The following ZNF888 variants were observed in gnomAD, a reference collection of about 807,000 sequenced individuals.
ZNF888 encodes CTD-2331H12.6.
In ZNF888, 5 loss-of-function variants were observed where a neutral mutation model predicts 7.2. That is an observed-to-expected ratio of 0.70 (90% CI 0.36 to 1.46). The LOEUF is 1.46. Ranked by LOEUF, ZNF888 falls within the 40% of genes most tolerant of loss-of-function variation. The pLI is 0.03. For missense variants in ZNF888, 716 were observed against 858.0 expected (o/e 0.83, Z 2.07); for synonymous variants, 240 against 284.3 (o/e 0.84, Z 1.57).
In ZNF888 at chr19:52,918,900, T is replaced by G. The variant is rs1316102698; in HGVS notation, c.-140A>C. The G allele has an allele frequency of 6.6e-6, 1 of 151,566 alleles. No individual in the cohort carries two copies. Among genetic ancestry groups the G allele is most frequent in the Non-Finnish European group, 1.5e-5 (1 of 68,118 alleles). The allele number at this position is 151,566 out of a possible 1,614,324, so 9.4% of individuals were successfully genotyped here. A position where few individuals can be genotyped will look rare whatever the true frequency, so the allele number is the denominator to read the frequency against. On this transcript the variant is annotated 5_prime_UTR_variant, in exon 2 of 5. An upstream start codon of the reference 5' UTR is lost. Transcript: ENST00000638862. ...CAGAGGTTGCAGTGAGCCAAGATCA[T>G]GACAGTGCACTCACAGCCTGGAGGA...
intron 4 of ZNF888, among the ~76,000 whole-genome samples, chr19:52,910,149 CAA>C (rs71335690): frequency 1.5e-4 from 13 of 83,932 alleles, no homozygotes; most frequent in African/African-American, 4.3e-4. Context: ...GACTTCGTCT[CAA>C]AAAAAAAAAA....
intron 2 of ZNF888, 48 bp from the exon 3 acceptor site, chr19:52,917,979 G>A: frequency 6.3e-7 from 1 of 1,589,116 alleles, no homozygotes; most frequent in Non-Finnish European, 8.5e-7. Context: ...TTATTGCTCA[G>A]AGTCAACATA....
chr19:52,922,401 C>G (rs1052085080), intron 1 of ZNF888, among the ~76,000 whole-genome samples: 2 of 152,100 alleles, frequency 1.3e-5, no homozygotes, highest in Non-Finnish European at 2.9e-5. Flanking sequence ...CAGCACCACT[C>G]TGCTCTGTCT....
intron 1 of ZNF888, among the ~76,000 whole-genome samples, chr19:52,922,455 CCTTT>C: frequency 6.6e-6 from 1 of 152,224 alleles, no homozygotes; most frequent in Admixed American, 6.5e-5. Context: ...TTCTCATGAG[CCTTT>C]CTGTTTGCTG....
rs1433727811 is a variant in ZNF888, at chr19:52,906,729, G to A, written c.1593C>T (p.Phe531=). The A allele has an allele frequency of 2.8e-5, 45 of 1,607,286 alleles. 1 individual carries two copies. The highest frequency in any genetic ancestry group is 5.0e-5 in the Admixed American group (3 of 59,804). The change falls in exon 5 of 5, where the codon TTC becomes TTT. Residue 531 remains phenylalanine, a synonymous_variant. Transcript: ENST00000638862. ...GCATTACAAGAGATGAATTTTGAACGAAGGTCTTGCCACACTCATTACACT... is the reference window on the plus strand; with the variant it reads ...GCATTACAAGAGATGAATTTTGAACAAAGGTCTTGCCACACTCATTACACT... ...PYKCNECGKT[F]VQNSSLVMHK... is the part of the protein sequence containing the mutation.
In ZNF888 at chr19:52,907,378, A is replaced by C; in HGVS notation, c.944T>G (p.Val315Gly). Residue 315 changes from valine to glycine, a missense_variant, in exon 5 of 5, where the codon GTT (valine) becomes GGT (glycine). Around this residue, in one of 2 missense-constraint regions of ZNF888, gnomAD observed 697 missense variants for 803.4 expected, o/e 0.87. Transcript: ENST00000638862. Reference sequence around the variant, plus strand: ...CTCTCCAGTATGAATTGTCTTGTGAACTAAGAGGGCTGACTTGTCACTGAA... The same window carrying C: ...CTCTCCAGTATGAATTGTCTTGTGACCTAAGAGGGCTGACTTGTCACTGAA... ...KTFSDKSALL[V>G]HKTIHTGEKP... The C allele has an allele frequency of 6.2e-7, 1 of 1,613,162 alleles. No individual in the cohort carries two copies. Among genetic ancestry groups the C allele is most frequent in the African/African-American group, 1.3e-5 (1 of 74,976 alleles).
At chr19:52,918,173 G>A in intron 2 of ZNF888, 1 of 985,392 alleles carries the variant, frequency 1.0e-6, no homozygotes, top group African/African-American at 1.7e-5. Flanking sequence ...TCCCCTTCAA[G>A]GCACAGACCC....
intron 1 of ZNF888, among the ~76,000 whole-genome samples, chr19:52,922,355 T>A (rs1662275860): frequency 6.6e-6 from 1 of 151,990 alleles, no homozygotes; most frequent in African/African-American, 2.4e-5. Flanking sequence ...CCAGGTGTCC[T>A]CCCTGCTGTG....
chr19:52,910,678 G>C (rs1048193299), intron 4 of ZNF888, among the ~76,000 whole-genome samples: 5 of 152,048 alleles, frequency 3.3e-5, no homozygotes, highest in Admixed American at 3.3e-4. Flanking sequence ...CAGGAAGATG[G>C]CTGGGCTAAA....
chr19:52,910,486 ATAAC>A (rs1447438008), intron 4 of ZNF888, among the ~76,000 whole-genome samples: 2 of 152,100 alleles, frequency 1.3e-5, no homozygotes, highest in Admixed American at 6.6e-5. Context: ...AATAAGATAA[ATAAC>A]TACTTCTCAA....
At position 52,906,352 on chromosome 19, in the gene ZNF888, G is replaced by T; in HGVS notation, c.1970C>A (p.Thr657Asn). The T allele has an allele frequency of 4.3e-6, 7 of 1,613,692 alleles. No homozygotes were observed. The highest frequency in any genetic ancestry group is 5.9e-6 in the Non-Finnish European group (7 of 1,179,828). ...SYLAQHQRVH[T>N]GEKPYKCKVC... Reference sequence around the variant, plus strand: ...CTTACATTTGTATGGTTTCTCTCCAGTGTGAACTCTCTGATGTTGTGCAAG... The same window carrying T: ...CTTACATTTGTATGGTTTCTCTCCATTGTGAACTCTCTGATGTTGTGCAAG... Residue 657 changes from threonine (T) to asparagine (N), a missense_variant, in exon 5 of 5, where the codon ACT (threonine) becomes AAT (asparagine). Around this residue, in one of 2 missense-constraint regions of ZNF888, gnomAD observed 697 missense variants for 803.4 expected, o/e 0.87. Coordinates refer to ENST00000638862, the MANE Select transcript of ZNF888 (RefSeq NM_001393938.1).
At chr19:52,908,247 A>G in intron 4 of ZNF888, 68 bp from the exon 5 acceptor site, 1 of 1,424,392 alleles carries the variant, frequency 7.0e-7, no homozygotes, top group East Asian at 2.3e-5. Context: ...AAACGTGTAA[A>G]TATGACACCA....
chr19:52,916,906 C>T (rs1025035259), intron 3 of ZNF888, among the ~76,000 whole-genome samples: 4 of 148,696 alleles, frequency 2.7e-5, no homozygotes, highest in Admixed American at 1.3e-4. Flanking sequence ...AGCAAGACTC[C>T]GTTTCAGAAA....
At chr19:52,911,252 A>G (rs952806581) in intron 4 of ZNF888, among the ~76,000 whole-genome samples, 2 of 152,060 alleles carry the variant, frequency 1.3e-5, no homozygotes, top group African/African-American at 4.8e-5. Flanking sequence ...ACCTCAAGCA[A>G]TCTGCCCACC....
intron 1 of ZNF888, among the ~76,000 whole-genome samples, chr19:52,922,396 C>G (rs1247740588): frequency 6.6e-6 from 1 of 152,070 alleles, no homozygotes; most frequent in Non-Finnish European, 1.5e-5. Flanking sequence ...GCCACCAGCA[C>G]CACTCTGCTC....
intron 4 of ZNF888, among the ~76,000 whole-genome samples, chr19:52,912,356 GC>G (rs997869678): frequency 2.1e-5 from 3 of 144,054 alleles, no homozygotes; most frequent in African/African-American, 7.7e-5. Context: ...CTCGTGATCC[GC>G]CCCCCTCGGC....
chr19:52,920,171 G>T (rs192755306), intron 1 of ZNF888, among the ~76,000 whole-genome samples: 2,412 of 59,444 alleles, frequency 0.041, 1,022 homozygotes, highest in Non-Finnish European at 0.067. Context: ...GCCCGGCCAC[G>T]ACCCCGTCTG....
rs1163028368 is a variant in ZNF888 at position 52,905,417 on chromosome 19, G to T, written c.*748C>A. On this transcript the variant is annotated 3_prime_UTR_variant, in exon 5 of 5. Coordinates refer to ENST00000638862, the MANE Select transcript of ZNF888 (RefSeq NM_001393938.1). ...TCTCCCTTCCCTGACTCTCTTTTCG[G>T]ACTCAGCTTGCCTGCACCCAGGTGA... is the stretch of plus-strand genomic sequence containing the variant. 1.3e-5 allele frequency: 2 copies of T among 156,426 alleles called. No homozygotes were observed. The highest frequency in any genetic ancestry group is 6.3e-5 in the Admixed American group (1 of 15,826). The allele number at this position is 156,426 out of a possible 1,614,324, so 9.7% of individuals were successfully genotyped here.
At position 52,908,098 on chromosome 19, in the gene ZNF888, C is replaced by CCAA; in HGVS notation, c.223_224insTTG (p.Arg75delinsIleGly). ...TTCTCCAATGTGATGACTTGCCAGT[C>CCAA]TTTGCAATGTCCCTGTGTGGATCAC... On this transcript the variant is annotated protein_altering_variant, in exon 5 of 5. Transcript: ENST00000638862. 1 of 1,614,150 alleles carries CCAA rather than the reference C, an allele frequency of 6.2e-7. No individual in the cohort carries two copies. The highest frequency in any genetic ancestry group is 8.5e-7 in the Non-Finnish European group (1 of 1,180,032).
Sources: allele counts gnomAD v4.1 joint callset (sites outside exome capture counted in the v4.1 genomes callset), GRCh38; gene constraint gnomAD v4.1.1; regional missense constraint gnomAD v4.1.1; transcripts MANE v1.5; gene names NCBI Gene and HGNC (gene_info 2026-07-23, HGNC 2026-07-21).